OR2M4: variants seen among roughly 807,000 people sequenced by gnomAD.
The protein encoded by OR2M4 is olfactory receptor family 2 subfamily M member 4.
Under a neutral mutation model 13.7 loss-of-function variants are expected in OR2M4, and 8 were observed. That is an observed-to-expected ratio of 0.58 (90% confidence interval 0.34 to 1.05). The LOEUF (loss-of-function observed/expected upper bound fraction) is 1.05, where lower values mean the gene tolerates loss of function less well. OR2M4 is among the 50% of genes least tolerant of loss of function. OR2M4 has a pLI of 0.02. For synonymous variants in OR2M4, 152 were observed against 141.3 expected, an observed-to-expected ratio of 1.08 and a Z score of -0.53; for missense variants, 374 against 381.6, an observed-to-expected ratio of 0.98 and a Z score of 0.17.
intron 1 of OR2M4, among the ~76,000 whole-genome samples, chr1:248,235,785 G>C (rs1666550927): frequency 6.6e-6 from 1 of 152,112 alleles, no homozygotes; most frequent in African/African-American, 2.4e-5. Context: ...GTTCATTCAT[G>C]AGTTGGCTCT....
Position 248,239,834 on chromosome 1 carries a change from G to A in OR2M4, c.906G>A (p.Gln302=), listed in dbSNP as rs542301125. Residue 302 remains glutamine, a synonymous_variant, in exon 2 of 2, where the codon CAG becomes CAA. Coordinates refer to ENST00000641868, the MANE Select transcript of OR2M4 (RefSeq NM_017504.2). ...ACAAAGAAGTGTTCAGGGCACTACA[G>A]AAGGTACTGAAGAAAAGAAAGTTAA... ...LRNKEVFRAL[Q]KVLKKRKLI 4.3e-5 allele frequency: 69 copies of A among 1,601,094 alleles called. No individual in the cohort carries two copies. The South Asian group carries it at 7.7e-4, about 18-fold the overall frequency.
chr1:248,231,719 G>T (rs1666507272), intron 1 of OR2M4, 139 bp downstream of exon 1: 1 of 152,096 alleles, frequency 6.6e-6, no homozygotes, highest in African/African-American at 2.4e-5. Flanking sequence ...AATCACACAA[G>T]TGTAAGCCTT....
At position 248,244,191 on chromosome 1, in the gene OR2M4, A is replaced by C. The variant is rs1558263178; in HGVS notation, c.*4327A>C. 1.3e-5 allele frequency: 2 copies of C among 152,180 alleles called. No homozygotes were observed. Among genetic ancestry groups the C allele is most frequent in the Admixed American group, 1.3e-4 (2 of 15,268 alleles). 9.4% of individuals were successfully genotyped at this position (152,180 alleles called of 1,614,324 possible). Reference sequence around the variant, plus strand: ...GGCTGCTACTTGACCCAGGAATGCTATTACTGGGGATACATCCAAAAGAAA... The same window carrying C: ...GGCTGCTACTTGACCCAGGAATGCTCTTACTGGGGATACATCCAAAAGAAA... On this transcript the variant is annotated 3_prime_UTR_variant, in exon 2 of 2. Transcript: ENST00000641868.
rs747205990 is a variant in OR2M4, at chr1:248,239,847, A to G, written c.919A>G (p.Lys307Glu). ...VFRALQKVLK[K>E]RKLI ...CAGGGCACTACAGAAGGTACTGAAG[A>G]AAAGAAAGTTAATATGACCTTATCA... The change falls in exon 2 of 2, where the codon AAA (lysine) becomes GAA (glutamate). Residue 307 changes from lysine to glutamate, a missense_variant. Coordinates refer to ENST00000641868, the MANE Select transcript of OR2M4 (RefSeq NM_017504.2). 8.2e-6 allele frequency: 13 copies of G among 1,594,838 alleles called. 1 individual carries two copies. In the South Asian group the frequency reaches 1.3e-4, roughly 15 times the overall value.
chr1:248,239,642 C>A lies in OR2M4; in HGVS notation c.714C>A (p.Phe238Leu), dbSNP rs200701555. 3 of 1,614,124 alleles carry A rather than the reference C, an allele frequency of 1.9e-6. No homozygotes were observed. In the African/African-American group the frequency reaches 4.0e-5, roughly 22 times the overall value. Residue 238 changes from phenylalanine to leucine, a missense_variant, in exon 2 of 2, where the codon TTC (phenylalanine) becomes TTA (leucine). Phe to Leu is a conservative substitution (Grantham distance 22). Transcript: ENST00000641868. ...CTGGGGAAAGTCGTCGCAAGGCCTT[C>A]ACTACCTGCTCCTCCCACCTGTCTG... Reference protein sequence around the residue: ...MGSGESRRKAFTTCSSHLSVV... With the variant: ...MGSGESRRKALTTCSSHLSVV...
chr1:248,232,633 G>A (rs13375083), intron 1 of OR2M4, among the ~76,000 whole-genome samples: 11,458 of 151,772 alleles, frequency 0.075, 1,408 homozygotes, highest in African/African-American at 0.25. Context: ...TTAATAATTG[G>A]CATAAAATCA....
intron 1 of OR2M4, among the ~76,000 whole-genome samples, chr1:248,233,728 T>A (rs529477470): frequency 1.8e-4 from 27 of 152,190 alleles, no homozygotes; most frequent in African/African-American, 6.5e-4. Context: ...TCAAAAAAAA[T>A]TTGGTGGCAG....
rs755357822 is a variant in OR2M4 at position 248,239,989 on chromosome 1, TTATC to T, written c.*129_*132del. 9.2e-5 allele frequency: 59 copies of T among 644,326 alleles called. No homozygotes were observed. The highest frequency in any genetic ancestry group is 1.3e-4 in the Non-Finnish European group (49 of 384,924). 39.9% of individuals were successfully genotyped at this position (644,326 alleles called of 1,614,324 possible). A position where few individuals can be genotyped will look rare whatever the true frequency, so the allele number is the denominator to read the frequency against. On this transcript the variant is annotated 3_prime_UTR_variant, in exon 2 of 2. Coordinates refer to ENST00000641868, the MANE Select transcript of OR2M4 (RefSeq NM_017504.2). ...TAATATTTTCCACTTCTTTTCAAAATTATCTATTCAGTATATTATTACATATACA... is the reference window on the plus strand; with the variant it reads ...TAATATTTTCCACTTCTTTTCAAAATTATTCAGTATATTATTACATATACA...
At position 248,239,877 on chromosome 1, in the gene OR2M4, C is replaced by A; in HGVS notation, c.*13C>A. ...AAAGTTAATATGACCTTATCAAAATCTTTTTGAGTGCCTACTGTGGTCAAC... is the reference window on the plus strand; with the variant it reads ...AAAGTTAATATGACCTTATCAAAATATTTTTGAGTGCCTACTGTGGTCAAC... On this transcript the variant is annotated 3_prime_UTR_variant, in exon 2 of 2. Transcript: ENST00000641868. 1 of 1,519,132 alleles carries A rather than the reference C, an allele frequency of 6.6e-7. No individual in the cohort carries two copies. The highest frequency in any genetic ancestry group is 8.9e-7 in the Non-Finnish European group (1 of 1,121,740). The allele number at this position is 1,519,132 out of a possible 1,614,324, so 94.1% of individuals were successfully genotyped here. A position where few individuals can be genotyped will look rare whatever the true frequency, so the allele number is the denominator to read the frequency against.
In OR2M4 at chr1:248,239,028, A is replaced by G; in HGVS notation, c.100A>G (p.Ile34Val). The G allele has an allele frequency of 1.2e-6, 2 of 1,613,974 alleles. No individual in the cohort carries two copies. The highest frequency in any genetic ancestry group is 1.7e-6 in the Non-Finnish European group (2 of 1,179,914). ...HTFLFSLVLG[I>V]FSLALMENIS... ...CTTCCTTTTTTCTCTGGTCCTGGGC[A>G]TCTTCTCACTGGCATTGATGGAAAA... Residue 34 changes from isoleucine to valine, a missense_variant, in exon 2 of 2, where the codon ATC becomes GTC. Physicochemically the swap from Ile to Val is conservative, Grantham distance 29 (BLOSUM62 3). Coordinates refer to ENST00000641868, the MANE Select transcript of OR2M4 (RefSeq NM_017504.2).
chr1:248,232,706 C>T lies in OR2M4; in HGVS notation c.-20+1126C>T, dbSNP rs1425323690. On this transcript the variant is annotated intron_variant, in intron 1 of 1. Coordinates refer to ENST00000641868, the MANE Select transcript of OR2M4 (RefSeq NM_017504.2). ...TTTACAATTTCATGTGACATTGTAA[C>T]GCAATTCTATTCTTAAAATGGAAGA... Among the ~76,000 whole-genome samples, 11 of 152,014 alleles carry T rather than the reference C, an allele frequency of 7.2e-5. 1 individual carries two copies. Among genetic ancestry groups the T allele is most frequent in the Non-Finnish European group, 1.3e-4 (9 of 67,972 alleles).
rs759680621 is a variant in OR2M4 at position 248,239,568 on chromosome 1, ATCATACTT to A, written c.643_650del (p.Ile215LeufsTer48). ...AATGCTAATCTTTCCAGTTTCAGTT[ATCATACTT>A]TCCTATTCCCATGTCCTTCGAGCCG... On this transcript the variant is annotated frameshift_variant, in exon 2 of 2. Transcript: ENST00000641868. LOFTEE classifies it high-confidence loss of function. 21 of 1,613,998 alleles carry A rather than the reference ATCATACTT, an allele frequency of 1.3e-5. No homozygotes were observed. Among genetic ancestry groups the A allele is most frequent in the African/African-American group, 2.7e-5 (2 of 74,874 alleles).
At chr1:248,234,172 A>G (rs1666533601) in intron 1 of OR2M4, among the ~76,000 whole-genome samples, 1 of 152,186 alleles carries the variant, frequency 6.6e-6, no homozygotes, top group African/African-American at 2.4e-5. Context: ...AAATGTATTT[A>G]AATACTCTGA....
chr1:248,233,747 A>G (rs1371520055), intron 1 of OR2M4, among the ~76,000 whole-genome samples: 2 of 152,190 alleles, frequency 1.3e-5, no homozygotes, highest in Non-Finnish European at 1.5e-5. Context: ...AGTTATGTAT[A>G]TCAGGCAGAA....
rs369039633 is a variant in OR2M4, at chr1:248,238,987, A to G, written c.59A>G (p.His20Arg). The G allele has an allele frequency of 8.1e-6, 13 of 1,613,094 alleles. No homozygotes were observed. The African/African-American group carries it at 1.6e-4, about 20-fold the overall frequency. ...TTCATCCTGCTGGGAATCTTCAATC[A>G]CAGTCCCACCCACACCTTCCTTTTT... ...SIFILLGIFNHSPTHTFLFSL... is the reference protein window; with the variant it reads ...SIFILLGIFNRSPTHTFLFSL... Residue 20 changes from histidine to arginine, a missense_variant, in exon 2 of 2, where the codon CAC (histidine) becomes CGC (arginine). Physicochemically the swap from His to Arg is conservative, Grantham distance 29 (BLOSUM62 0). Transcript: ENST00000641868.
In OR2M4 at chr1:248,241,126, G is replaced by A. The variant is rs899070767; in HGVS notation, c.*1262G>A. Reference sequence around the variant, plus strand: ...CCCCGAGATAGTGGACTGTGCGGCGGGCACGTGAACTACAGAGACAGCAGC... The same window carrying A: ...CCCCGAGATAGTGGACTGTGCGGCGAGCACGTGAACTACAGAGACAGCAGC... On this transcript the variant is annotated 3_prime_UTR_variant, in exon 2 of 2. Coordinates refer to ENST00000641868, the MANE Select transcript of OR2M4 (RefSeq NM_017504.2). 1 of 152,266 alleles carries A rather than the reference G, an allele frequency of 6.6e-6. No individual in the cohort carries two copies. Among genetic ancestry groups the A allele is most frequent in the Non-Finnish European group, 1.5e-5 (1 of 68,112 alleles). The allele number at this position is 152,266 out of a possible 1,614,324, so 9.4% of individuals were successfully genotyped here.
rs1337405319 is a variant in OR2M4, at chr1:248,243,179, T to C, written c.*3315T>C. 3.9e-5 allele frequency: 6 copies of C among 152,226 alleles called. No individual in the cohort carries two copies. Among genetic ancestry groups the C allele is most frequent in the Non-Finnish European group, 5.9e-5 (4 of 68,048 alleles). The allele number at this position is 152,226 out of a possible 1,614,324, so 9.4% of individuals were successfully genotyped here. On this transcript the variant is annotated 3_prime_UTR_variant, in exon 2 of 2. Transcript: ENST00000641868. ...AAAATAAACGCTTGATTTTAAAAAG[T>C]TTATACATAAAATGTAAAATATATC...
intron 1 of OR2M4, among the ~76,000 whole-genome samples, chr1:248,236,311 C>A (rs1193044112): frequency 2.0e-5 from 3 of 152,004 alleles, no homozygotes; most frequent in African/African-American, 7.2e-5. Context: ...CCAAATGACT[C>A]CTGGATAAAT....
At position 248,239,966 on chromosome 1, in the gene OR2M4, A is replaced by G. The variant is rs114189763; in HGVS notation, c.*102A>G. The G allele has an allele frequency of 2.4e-3, 1,750 of 736,954 alleles. 22 individuals are homozygous for G. In the African/African-American group the frequency reaches 0.029, roughly 12 times the overall value. The allele number at this position is 736,954 out of a possible 1,614,324, so 45.7% of individuals were successfully genotyped here. A position where few individuals can be genotyped will look rare whatever the true frequency, so the allele number is the denominator to read the frequency against. On this transcript the variant is annotated 3_prime_UTR_variant, in exon 2 of 2. Coordinates refer to ENST00000641868, the MANE Select transcript of OR2M4 (RefSeq NM_017504.2). Reference sequence around the variant, plus strand: ...TTTCTATTTCTGGTAATTTGTATTAATATTTTCCACTTCTTTTCAAAATTA... The same window carrying G: ...TTTCTATTTCTGGTAATTTGTATTAGTATTTTCCACTTCTTTTCAAAATTA...
Sources: gnomAD v4.1 joint callset for allele counts (sites outside exome capture counted in the v4.1 genomes callset) on GRCh38, gnomAD v4.1.1 for gene constraint, MANE v1.5 for transcripts, NCBI Gene and HGNC (gene_info 2026-07-23, HGNC 2026-07-21) for gene names.